ZBBX: variants seen among roughly 807,000 people sequenced by gnomAD.
The protein encoded by ZBBX is zinc finger B-box domain-containing protein 1.
Under a neutral mutation model 108.5 loss-of-function variants are expected in ZBBX, and 101 were observed. The observed-to-expected ratio is 0.93, with a 90% CI of 0.79 to 1.10. The LOEUF (loss-of-function observed/expected upper bound fraction) is 1.10. ZBBX is among the 50% of genes least tolerant of loss of function. The pLI, the probability that ZBBX is intolerant of heterozygous loss-of-function variation, is 0.00. For missense variants in ZBBX, 1,009 were observed against 941.4 expected, an observed-to-expected ratio of 1.07 and a Z score of -0.94; for synonymous variants, 356 against 323.4, an observed-to-expected ratio of 1.10 and a Z score of -1.08.
At chr3:167,396,774 T>A (rs1748247141) in intron 1 of ZBBX, among the ~76,000 whole-genome samples, 1 of 151,986 alleles carries the variant, frequency 6.6e-6, no homozygotes, top group Non-Finnish European at 1.5e-5. Flanking sequence ...TCTTGCCCTT[T>A]TCTTCCTGAG....
chr3:167,330,868 GAGGAGAAGAAGAAGA>G (rs1464329609), intron 10 of ZBBX, among the ~76,000 whole-genome samples: 4 of 43,302 alleles, frequency 9.2e-5, no homozygotes, highest in African/African-American at 4.5e-4. Flanking sequence ...GGAGGAGGAG[GAGGAGAAGAAGAAGA>G]AGAAGAAGAA....
the ZBBX span, among the ~76,000 whole-genome samples, chr3:167,223,395 C>T: frequency 6.6e-6 from 1 of 151,774 alleles, no homozygotes; most frequent in Non-Finnish European, 1.5e-5. Context: ...AATAAAAAGC[C>T]AATTAGACTT....
At chr3:167,197,551 A>C in the ZBBX span, among the ~76,000 whole-genome samples, 21 of 152,232 alleles carry the variant, frequency 1.4e-4, no homozygotes, top group African/African-American at 4.8e-4. Flanking sequence ...AAAAATAAAA[A>C]ATAAAAATAA....
At chr3:167,297,220 G>C (rs947234927) in intron 18 of ZBBX, among the ~76,000 whole-genome samples, 1 of 151,796 alleles carries the variant, frequency 6.6e-6, no homozygotes, top group African/African-American at 2.4e-5. Flanking sequence ...TGTGTGTGTG[G>C]TGAGAACACT....
chr3:167,388,301 A>T (rs1577143164), intron 1 of ZBBX, among the ~76,000 whole-genome samples: 1 of 152,048 alleles, frequency 6.6e-6, no homozygotes, highest in East Asian at 1.9e-4. Flanking sequence ...ATAAGACTAT[A>T]TGGAGGGATA....
At chr3:167,274,739 G>A (rs1727176360) in intron 20 of ZBBX, among the ~76,000 whole-genome samples, 1 of 152,040 alleles carries the variant, frequency 6.6e-6, no homozygotes, top group Non-Finnish European at 1.5e-5. Flanking sequence ...CTCCACCACT[G>A]TACCTCACGT....
chr3:167,392,733 A>G (rs1449655143), intron 1 of ZBBX: 1 of 151,840 alleles, frequency 6.6e-6, no homozygotes. Flanking sequence ...AAGAAAGACA[A>G]AAAGAAAGTG....
chr3:167,263,810 G>T (rs1157185066), intron 20 of ZBBX, among the ~76,000 whole-genome samples: 1 of 152,206 alleles, frequency 6.6e-6, no homozygotes, highest in African/African-American at 2.4e-5. Context: ...TGCAGAAAGT[G>T]GAGTGTTGAA....
At chr3:167,243,699 G>A (rs917940622) in intron 20 of ZBBX, among the ~76,000 whole-genome samples, 2 of 148,664 alleles carry the variant, frequency 1.3e-5, no homozygotes, top group Admixed American at 1.3e-4. Context: ...ACCTCCTCCT[G>A]GTCACAGGAA....
intron 17 of ZBBX, among the ~76,000 whole-genome samples, chr3:167,300,604 C>A (rs993443847): frequency 8.0e-5 from 12 of 150,194 alleles, no homozygotes; most frequent in South Asian, 4.2e-4. Context: ...TCTCCCCCAC[C>A]AACCCTTTTT....
At chr3:167,294,230 A>G (rs1295767651) in intron 18 of ZBBX, among the ~76,000 whole-genome samples, 2 of 152,202 alleles carry the variant, frequency 1.3e-5, no homozygotes, top group Non-Finnish European at 2.9e-5. Flanking sequence ...AAGAGCCCGC[A>G]TGGCCAAGAC....
At chr3:167,350,102 C>A (rs890477992) in intron 9 of ZBBX, among the ~76,000 whole-genome samples, 1 of 151,720 alleles carries the variant, frequency 6.6e-6, no homozygotes, top group Non-Finnish European at 1.5e-5. Flanking sequence ...TTAAAATAAC[C>A]TATGTGTTCA....
chr3:167,227,618 A>C, the ZBBX span, among the ~76,000 whole-genome samples: 15 of 151,886 alleles, frequency 9.9e-5, no homozygotes, highest in African/African-American at 3.4e-4. Context: ...TAAACTCTGA[A>C]GAAAGGCATG....
intron 20 of ZBBX, among the ~76,000 whole-genome samples, chr3:167,258,915 A>G (rs1018434576): frequency 2.0e-5 from 3 of 152,124 alleles, no homozygotes; most frequent in Non-Finnish European, 2.9e-5. Context: ...TTCATCAAGG[A>G]TATCAGTCTG....
intron 9 of ZBBX, among the ~76,000 whole-genome samples, chr3:167,349,381 A>C (rs573539712): frequency 2.0e-5 from 3 of 152,034 alleles, no homozygotes; most frequent in Non-Finnish European, 4.4e-5. Flanking sequence ...TAATACCATG[A>C]GAGAGAGAAG....
At chr3:167,343,438 C>T (rs1046650248) in intron 9 of ZBBX, among the ~76,000 whole-genome samples, 1 of 151,800 alleles carries the variant, frequency 6.6e-6, no homozygotes, top group Non-Finnish European at 1.5e-5. Context: ...TTCTCCCTAC[C>T]CCTTTCAATT....
chr3:167,371,027 C>A (rs1008981159), intron 4 of ZBBX, among the ~76,000 whole-genome samples: 6 of 151,944 alleles, frequency 3.9e-5, no homozygotes, highest in African/African-American at 1.5e-4. Flanking sequence ...GAATGTCAGA[C>A]AATGTAAAGG....
chr3:167,355,911 T>C (rs78825706), intron 8 of ZBBX, among the ~76,000 whole-genome samples: 5,466 of 152,186 alleles, frequency 0.036, 144 homozygotes, highest in Non-Finnish European at 0.056. Flanking sequence ...CTGCATACAA[T>C]GTCACTCTCC....
chr3:167,287,564 GT>G (rs1167118231), intron 19 of ZBBX, among the ~76,000 whole-genome samples: 2 of 152,208 alleles, frequency 1.3e-5, no homozygotes, highest in Non-Finnish European at 1.5e-5. Flanking sequence ...TTGAACAAAT[GT>G]TTTTTATAGC....
Sources: allele counts gnomAD v4.1 joint callset (sites outside exome capture counted in the v4.1 genomes callset), GRCh38; gene constraint gnomAD v4.1.1; transcripts MANE v1.5; gene names NCBI Gene and HGNC (gene_info 2026-07-23, HGNC 2026-07-21).